MTO1: variants seen among roughly 807,000 people sequenced by gnomAD.
MTO1 encodes 5-taurinomethyluridine-[tRNA] synthase subunit MTO1, mitochondrial.
In MTO1, 46 loss-of-function variants were observed where a neutral mutation model predicts 71.6. The ratio of observed to expected loss-of-function variants is 0.64; its 90% confidence interval spans 0.51 to 0.82. The LOEUF (loss-of-function observed/expected upper bound fraction) is 0.82, where lower values mean the gene tolerates loss of function less well. Among genes scored for constraint, MTO1 ranks in the 40% least tolerant of loss-of-function variants. MTO1 has a pLI of 0.00. For missense variants in MTO1, 773 were observed against 867.5 expected (o/e 0.89, Z 1.37); for synonymous variants, 297 against 312.1 (o/e 0.95, Z 0.51).
At chr6:73,483,804 T>G (rs1771581024) in intron 9 of MTO1, among the ~76,000 whole-genome samples, 1 of 138,416 alleles carries the variant, frequency 7.2e-6, no homozygotes, top group Non-Finnish European at 1.6e-5. Flanking sequence ...TTTTTTTTTT[T>G]GAGATGGAGT....
In MTO1 at chr6:73,483,479, G is replaced by C. The variant is rs578246833; in HGVS notation, c.1637+859G>C. 4.0e-5 allele frequency among the ~76,000 whole-genome samples: 6 copies of C among 151,886 alleles called. No homozygotes were observed. In the East Asian group the frequency reaches 1.2e-3, roughly 29 times the overall value. ...TTTATTTTTTATATGATTTCTCTGT[G>C]GCTCCCATTGAGTTCTTTTGGCTTT... On this transcript the variant is annotated intron_variant, in intron 9 of 11. Transcript: ENST00000498286.
chr6:73,484,433 A>G (rs1021399863), intron 9 of MTO1, among the ~76,000 whole-genome samples: 2 of 152,114 alleles, frequency 1.3e-5, no homozygotes, highest in African/African-American at 4.8e-5. Flanking sequence ...ACATAGCAAA[A>G]GGGCAAAAAG....
rs1007784932 is a variant in MTO1, at chr6:73,508,935, T to C, written c.*8200T>C. 6.6e-6 allele frequency: 1 copy of C among 152,252 alleles called. No individual in the cohort carries two copies. Among genetic ancestry groups the C allele is most frequent in the Non-Finnish European group, 1.5e-5 (1 of 68,060 alleles). 9.4% of individuals were successfully genotyped at this position (152,252 alleles called of 1,614,324 possible). Reference sequence around the variant, plus strand: ...ATATAGCTGCACTGTTATACCCATATGGTTACAATCCAGGCCTCAGAAAAT... The same window carrying C: ...ATATAGCTGCACTGTTATACCCATACGGTTACAATCCAGGCCTCAGAAAAT... On this transcript the variant is annotated 3_prime_UTR_variant, in exon 12 of 12. Coordinates refer to ENST00000498286, the MANE Select transcript of MTO1 (RefSeq NM_012123.4).
At chr6:73,471,252 A>G (rs114807311) in intron 3 of MTO1, among the ~76,000 whole-genome samples, 1,636 of 151,544 alleles carry the variant, frequency 0.011, 25 homozygotes, top group African/African-American at 0.034. Flanking sequence ...TTACCTTAAA[A>G]GCTATGATTT....
At position 73,480,010 on chromosome 6, in the gene MTO1, G is replaced by T; in HGVS notation, c.1013G>T (p.Gly338Val). The T allele has an allele frequency of 6.2e-7, 1 of 1,614,126 alleles. No individual in the cohort carries two copies. The highest frequency in any genetic ancestry group is 1.1e-5 in the South Asian group (1 of 91,074). The change falls in exon 6 of 12, where the codon GGA becomes GTA. Residue 338 changes from glycine to valine, a missense_variant. Coordinates refer to ENST00000498286, the MANE Select transcript of MTO1 (RefSeq NM_012123.4). ...RLHQVWLEPE[G>V]MDSDLIYPQG... ...CATCAGGTTTGGTTGGAACCTGAAG[G>T]AATGGATTCTGACCTTATCTACCCA...
At chr6:73,464,554 C>T (rs892560778) in intron 1 of MTO1, among the ~76,000 whole-genome samples, 48 of 150,762 alleles carry the variant, frequency 3.2e-4, no homozygotes, top group African/African-American at 1.1e-3. Context: ...CAAAGGCGGG[C>T]AAATCACCTG....
chr6:73,464,835 CAAA>C (rs70996805), intron 1 of MTO1, among the ~76,000 whole-genome samples: 1 of 28,352 alleles, frequency 3.5e-5, no homozygotes, highest in East Asian at 1.2e-3. Context: ...AACTCTGTCT[CAAA>C]AAAAAAAAAA....
In MTO1 at chr6:73,507,549, G is replaced by A. The variant is rs1772320563; in HGVS notation, c.*6814G>A. 6.6e-6 allele frequency: 1 copy of A among 152,172 alleles called. No individual in the cohort carries two copies. Among genetic ancestry groups the A allele is most frequent in the Admixed American group, 6.5e-5 (1 of 15,272 alleles). The allele number at this position is 152,172 out of a possible 1,614,324, so 9.4% of individuals were successfully genotyped here. On this transcript the variant is annotated 3_prime_UTR_variant, in exon 12 of 12. Coordinates refer to ENST00000498286, the MANE Select transcript of MTO1 (RefSeq NM_012123.4). The stretch of plus-strand genomic sequence containing the variant: ...TTATAGATATAACTTAGCCTTGCGA[G>A]GTGATGTAATTAAAGTCTAACTTCA...
chr6:73,483,729 C>T (rs1036359872), intron 9 of MTO1, among the ~76,000 whole-genome samples: 6 of 151,764 alleles, frequency 4.0e-5, no homozygotes, highest in Non-Finnish European at 8.8e-5. Flanking sequence ...AGTGATTCTC[C>T]TGCCTCAGCC....
At position 73,463,465 on chromosome 6, in the gene MTO1, G is replaced by A. The variant is rs1283420464; in HGVS notation, c.217+1394G>A. Among the ~76,000 whole-genome samples, 2 of 152,150 alleles carry A rather than the reference G, an allele frequency of 1.3e-5. 1 individual carries two copies. The highest frequency in any genetic ancestry group is 4.8e-5 in the African/African-American group (2 of 41,442). Reference sequence around the variant, plus strand: ...TTCTGTAGCATCATGATAGATACTAGCTAAAACATCAACTTGTAAATTATG... The same window carrying A: ...TTCTGTAGCATCATGATAGATACTAACTAAAACATCAACTTGTAAATTATG... On this transcript the variant is annotated intron_variant, in intron 1 of 11. Transcript: ENST00000498286.
intron 4 of MTO1, among the ~76,000 whole-genome samples, chr6:73,476,203 A>AAAAAAAAAAAAAAT (rs1561943669): frequency 6.7e-6 from 1 of 149,976 alleles, no homozygotes; most frequent in South Asian, 2.1e-4. Flanking sequence ...TCCCTACTAA[A>AAAAAAAAAAAAAAT]AATAAAAAAA....
intron 4 of MTO1, among the ~76,000 whole-genome samples, chr6:73,474,504 A>G (rs933035369): frequency 6.6e-6 from 1 of 152,066 alleles, no homozygotes; most frequent in African/African-American, 2.4e-5. Context: ...GCTGGAGCGC[A>G]ATGGTGAAAT....
rs1045318964 is a variant in MTO1, at chr6:73,461,773, C to T, written c.-82C>T. ...TGATATTAAAGCAAGATGGCCGCGCCCTGCAGATTGTCTCTTGTTGCGTAA... is the reference window on the plus strand; with the variant it reads ...TGATATTAAAGCAAGATGGCCGCGCTCTGCAGATTGTCTCTTGTTGCGTAA... On this transcript the variant is annotated 5_prime_UTR_variant, in exon 1 of 12. Coordinates refer to ENST00000498286, the MANE Select transcript of MTO1 (RefSeq NM_012123.4). 144 of 1,446,744 alleles carry T rather than the reference C, an allele frequency of 1.0e-4. 2 individuals are homozygous for T. Among genetic ancestry groups the T allele is most frequent in the East Asian group, 2.3e-5 (1 of 43,158 alleles). The allele number at this position is 1,446,744 out of a possible 1,614,324, so 89.6% of individuals were successfully genotyped here. A position where few individuals can be genotyped will look rare whatever the true frequency, so the allele number is the denominator to read the frequency against.
At chr6:73,482,708 C>G (rs1425143031) in intron 9 of MTO1, 88 bp downstream of exon 9, 2 of 1,059,496 alleles carry the variant, frequency 1.9e-6, no homozygotes, top group Non-Finnish European at 2.6e-6. Flanking sequence ...CTATGTGTTC[C>G]TACCTACACA....
intron 9 of MTO1, chr6:73,486,799 A>G (rs1415655212): frequency 5.6e-6 from 1 of 177,384 alleles, no homozygotes; most frequent in Non-Finnish European, 1.2e-5. Flanking sequence ...CATGTAACAT[A>G]ATGTCCTCAC....
chr6:73,468,581 G>A (rs1771064135), intron 3 of MTO1, among the ~76,000 whole-genome samples: 1 of 151,532 alleles, frequency 6.6e-6, no homozygotes, highest in Non-Finnish European at 1.5e-5. Context: ...CTTATGCTTG[G>A]TTTTGCCTTG....
Position 73,480,372 on chromosome 6 carries a change from G to A in MTO1, c.1129+246G>A, listed in dbSNP as rs118010902. On this transcript the variant is annotated intron_variant, in intron 6 of 11. Transcript: ENST00000498286. ...ACCACAACCTCCCCCTGCCAGGTTC[G>A]TGATTCTTCTGCCTCAGCCTCCTGA... 4.7e-4 allele frequency: 312 copies of A among 662,916 alleles called. No individual in the cohort carries two copies. Among genetic ancestry groups the A allele is most frequent in the Middle Eastern group, 1.2e-3 (3 of 2,542 alleles). 41.1% of individuals were successfully genotyped at this position (662,916 alleles called of 1,614,324 possible). A position where few individuals can be genotyped will look rare whatever the true frequency, so the allele number is the denominator to read the frequency against.
At chr6:73,482,789 C>CTTTTTTTTTTTT (rs35121302) in intron 9 of MTO1, among the ~76,000 whole-genome samples, 169 bp downstream of exon 9, 305 of 92,076 alleles carry the variant, frequency 3.3e-3, no homozygotes, top group Non-Finnish European at 4.2e-3. Flanking sequence ...TTTTTTCTTT[C>CTTTTTTTTTTTT]TTTTTTTTTT....
At chr6:73,465,565 C>CA (rs1464978836) in intron 1 of MTO1, among the ~76,000 whole-genome samples, 1 of 151,744 alleles carries the variant, frequency 6.6e-6, no homozygotes, top group Non-Finnish European at 1.5e-5. Flanking sequence ...GGTGCTGTAT[C>CA]AAAAAAGAAC....
Sources: allele counts gnomAD v4.1 joint callset (sites outside exome capture counted in the v4.1 genomes callset), GRCh38; gene constraint gnomAD v4.1.1; transcripts MANE v1.5; gene names NCBI Gene and HGNC (gene_info 2026-07-23, HGNC 2026-07-21).